CDH18: variants seen among roughly 807,000 people sequenced by gnomAD.
The protein encoded by CDH18 is cadherin-18.
In CDH18, 31 loss-of-function variants were observed where a neutral mutation model predicts 67.9. The observed-to-expected ratio is 0.46, with a 90% CI of 0.34 to 0.62. The LOEUF (loss-of-function observed/expected upper bound fraction) is 0.62, where lower values mean the gene tolerates loss of function less well. CDH18 is among the 20% of genes least tolerant of loss of function. The pLI, the probability that CDH18 is intolerant of heterozygous loss-of-function variation, is 0.01. For missense variants in CDH18, 890 were observed against 975.5 expected, an observed-to-expected ratio of 0.91 and a Z score of 1.17; for synonymous variants, 362 against 347.2, an observed-to-expected ratio of 1.04 and a Z score of -0.48.
chr5:19,994,738 TAGAGAGAGAGAGAGAGAGAG>T (rs869278538), intron 2 of CDH18, among the ~76,000 whole-genome samples: 308 of 13,524 alleles, frequency 0.023, 8 homozygotes, highest in East Asian at 0.033. Flanking sequence ...TATATATATA[TAGAGAGAGAGAGAGAGAGAG>T]AGAGAGAGAG....
intron 2 of CDH18, among the ~76,000 whole-genome samples, chr5:20,136,960 T>A (rs1477064556): frequency 6.6e-6 from 1 of 152,242 alleles, no homozygotes; most frequent in East Asian, 1.9e-4. Context: ...AGAGATCTGC[T>A]GTTAGTCTGA....
intron 1 of CDH18, among the ~76,000 whole-genome samples, chr5:20,552,851 T>C (rs1757711664): frequency 6.6e-6 from 1 of 151,752 alleles, no homozygotes. Flanking sequence ...TGCCTCGCGG[T>C]TCAAGCAATT....
chr5:19,692,689 T>C (rs1161206113), intron 5 of CDH18, among the ~76,000 whole-genome samples: 3 of 152,054 alleles, frequency 2.0e-5, no homozygotes, highest in Non-Finnish European at 4.4e-5. Context: ...GATAACATCA[T>C]ACCCCAGTTA....
intron 6 of CDH18, among the ~76,000 whole-genome samples, chr5:19,601,858 T>G (rs927004719): frequency 6.6e-6 from 1 of 152,056 alleles, no homozygotes; most frequent in Non-Finnish European, 1.5e-5. Flanking sequence ...CACAAGGTCA[T>G]GTCAATTCTA....
chr5:20,247,561 C>A (rs975270150), intron 2 of CDH18, among the ~76,000 whole-genome samples: 1 of 151,874 alleles, frequency 6.6e-6, no homozygotes, highest in Admixed American at 6.6e-5. Flanking sequence ...GTCAAGAGAT[C>A]GAGACCATCC....
intron 6 of CDH18, among the ~76,000 whole-genome samples, chr5:19,593,656 C>T (rs1417717273): frequency 7.1e-6 from 1 of 141,306 alleles, no homozygotes. Context: ...CCCACTCCCC[C>T]TCCCCTTCTA....
At chr5:19,593,707 C>CCTCCTTCTTCTTCTTCTTCCTCTTCTT in intron 6 of CDH18, among the ~76,000 whole-genome samples, 1 of 33,384 alleles carries the variant, frequency 3.0e-5, no homozygotes, top group African/African-American at 1.2e-4. Context: ...TCCTCCTCCT[C>CCTCCTTCTTCTTCTTCTTCCTCTTCTT]CTTCTTCTTC....
chr5:20,369,506 T>G (rs1408952937), intron 1 of CDH18, among the ~76,000 whole-genome samples: 2 of 152,232 alleles, frequency 1.3e-5, no homozygotes, highest in Non-Finnish European at 2.9e-5. Context: ...GCTTTTTCAT[T>G]TATTTCACCT....
At chr5:19,879,610 A>G (rs1414442008) in intron 2 of CDH18, among the ~76,000 whole-genome samples, 1 of 152,034 alleles carries the variant, frequency 6.6e-6, no homozygotes, top group Non-Finnish European at 1.5e-5. Context: ...TCATTAAAAT[A>G]ATTGGAACAA....
At chr5:19,546,617 G>C (rs1736359848) in intron 8 of CDH18, among the ~76,000 whole-genome samples, 1 of 152,170 alleles carries the variant, frequency 6.6e-6, no homozygotes, top group African/African-American at 2.4e-5. Context: ...CTAGAACAGA[G>C]TGTAAGTGGA....
chr5:20,311,908 G>T lies in CDH18; in HGVS notation c.-579-56403C>A, dbSNP rs1343505404. 2.6e-5 allele frequency among the ~76,000 whole-genome samples: 4 copies of T among 152,058 alleles called. No individual in the cohort carries two copies. The East Asian group carries it at 7.7e-4, about 29-fold the overall frequency. On this transcript the variant is annotated intron_variant, in intron 1 of 14. Transcript: ENST00000507958. ...ACCAGTCTCACATTTTTTTGAAGGA[G>T]TCTTACTCCATCTCATTGTAGAAGC... is the stretch of plus-strand genomic sequence containing the variant.
At chr5:20,183,120 G>A (rs1340000070) in intron 2 of CDH18, among the ~76,000 whole-genome samples, 2 of 146,772 alleles carry the variant, frequency 1.4e-5, no homozygotes, top group Non-Finnish European at 3.0e-5. Flanking sequence ...ATCATCCATT[G>A]TGGATATTAA....
chr5:19,927,360 A>G (rs1793205298), intron 2 of CDH18, among the ~76,000 whole-genome samples: 1 of 152,154 alleles, frequency 6.6e-6, no homozygotes, highest in African/African-American at 2.4e-5. Context: ...TCTATGAGGT[A>G]GTTTTGACTC....
intron 10 of CDH18, among the ~76,000 whole-genome samples, chr5:19,505,352 A>G (rs1179517830): frequency 6.6e-6 from 1 of 152,050 alleles, no homozygotes; most frequent in Non-Finnish European, 1.5e-5. Context: ...TTCCAACACT[A>G]TGTTGAATAG....
At chr5:20,218,877 C>T (rs4599543) in intron 2 of CDH18, among the ~76,000 whole-genome samples, 1 of 151,306 alleles carries the variant, frequency 6.6e-6, no homozygotes, top group Non-Finnish European at 1.5e-5. Flanking sequence ...CTAATACAGA[C>T]GTACTAAGAG....
intron 2 of CDH18, among the ~76,000 whole-genome samples, chr5:20,225,706 G>C (rs865891980): frequency 1.3e-5 from 2 of 152,068 alleles, no homozygotes; most frequent in Non-Finnish European, 2.9e-5. Flanking sequence ...GTACAGGAGA[G>C]CAAGTACTTT....
At chr5:20,031,148 G>C (rs1739357639) in intron 2 of CDH18, among the ~76,000 whole-genome samples, 1 of 152,046 alleles carries the variant, frequency 6.6e-6, no homozygotes, top group Non-Finnish European at 1.5e-5. Context: ...AGATAAAATA[G>C]TTCTGGAGTT....
intron 1 of CDH18, among the ~76,000 whole-genome samples, chr5:20,374,030 AT>A (rs1743217836): frequency 6.6e-6 from 1 of 152,178 alleles, no homozygotes; most frequent in South Asian, 2.1e-4. Flanking sequence ...AACCCTACTC[AT>A]GTTATTATCA....
chr5:20,380,554 G>C (rs1743829259), intron 1 of CDH18, among the ~76,000 whole-genome samples: 1 of 152,056 alleles, frequency 6.6e-6, no homozygotes, highest in African/African-American at 2.4e-5. Flanking sequence ...TTTACCTAAA[G>C]CATGAAAACA....
Sources: gnomAD v4.1 joint callset for allele counts (sites outside exome capture counted in the v4.1 genomes callset) on GRCh38, gnomAD v4.1.1 for gene constraint, MANE v1.5 for transcripts, NCBI Gene and HGNC (gene_info 2026-07-23, HGNC 2026-07-21) for gene names.